The following MCPH1 variants were observed in gnomAD, a reference collection of about 807,000 sequenced individuals.
The protein encoded by MCPH1 is microcephalin.
In MCPH1, 104 loss-of-function variants were observed where a neutral mutation model predicts 84.5. That is an observed-to-expected ratio of 1.23 (90% CI 1.05 to 1.45). The LOEUF (loss-of-function observed/expected upper bound fraction) is 1.45. MCPH1 is among the 40% of genes most tolerant of loss of function. The pLI, the probability that MCPH1 is intolerant of heterozygous loss-of-function variation, is 0.00. For synonymous variants in MCPH1, 514 were observed against 366.8 expected (o/e 1.40, Z -4.58); for missense variants, 1,498 against 1,005.7 (o/e 1.49, Z -6.62).
At chr8:6,588,747 C>A (rs1828200358) in intron 12 of MCPH1, among the ~76,000 whole-genome samples, 1 of 152,258 alleles carries the variant, frequency 6.6e-6, no homozygotes, top group Non-Finnish European at 1.5e-5. Flanking sequence ...TAGTTCTTCC[C>A]ATGGCTTCTC....
chr8:6,452,095 C>T (rs1415395872), intron 8 of MCPH1, among the ~76,000 whole-genome samples: 1 of 152,210 alleles, frequency 6.6e-6, no homozygotes, highest in African/African-American at 2.4e-5. Context: ...TCATCGTCCA[C>T]TTCTTCATCT....
At chr8:6,470,939 T>C (rs945149184) in intron 9 of MCPH1, among the ~76,000 whole-genome samples, 1 of 152,250 alleles carries the variant, frequency 6.6e-6, no homozygotes, top group Non-Finnish European at 1.5e-5. Flanking sequence ...AGGAAAGTCC[T>C]TCTTTGCTCA....
intron 3 of MCPH1, among the ~76,000 whole-genome samples, chr8:6,429,886 C>G (rs569983499): frequency 6.6e-6 from 1 of 152,284 alleles, no homozygotes; most frequent in Admixed American, 6.5e-5. Flanking sequence ...TGCCCCAGAC[C>G]CACAGGACAG....
At chr8:6,431,376 A>G in intron 3 of MCPH1, 123 bp from the exon 4 acceptor site, 1 of 730,580 alleles carries the variant, frequency 1.4e-6, no homozygotes, top group South Asian at 1.8e-5. Flanking sequence ...TTATTTTTTA[A>G]AAGTCTGTTA....
At chr8:6,438,651 C>T (rs901111262) in intron 5 of MCPH1, among the ~76,000 whole-genome samples, 2 of 152,158 alleles carry the variant, frequency 1.3e-5, no homozygotes, top group African/African-American at 4.8e-5. Flanking sequence ...GTGTCTCAGT[C>T]TTTGTCTTCA....
chr8:6,486,310 C>T (rs1419849309), intron 11 of MCPH1, among the ~76,000 whole-genome samples: 1 of 152,094 alleles, frequency 6.6e-6, no homozygotes, highest in South Asian at 2.1e-4. Flanking sequence ...CTCTCGCTCT[C>T]TCGCTCTCTC....
At chr8:6,468,979 A>C (rs1341556179) in intron 9 of MCPH1, among the ~76,000 whole-genome samples, 2 of 152,292 alleles carry the variant, frequency 1.3e-5, no homozygotes, top group African/African-American at 4.8e-5. Context: ...GCTTGAGGCC[A>C]GGAGTTCAAG....
intron 9 of MCPH1, among the ~76,000 whole-genome samples, chr8:6,457,012 A>G (rs983671644): frequency 6.6e-6 from 1 of 152,174 alleles, no homozygotes; most frequent in African/African-American, 2.4e-5. Flanking sequence ...CCATAAATAT[A>G]AGGTGGTATT....
chr8:6,457,540 G>A (rs962764001), intron 9 of MCPH1, among the ~76,000 whole-genome samples: 1 of 152,142 alleles, frequency 6.6e-6, no homozygotes, highest in Non-Finnish European at 1.5e-5. Context: ...AGGAAGGGGA[G>A]GTTGCAGTGA....
Position 6,621,543 on chromosome 8 carries a change from C to T in MCPH1, c.2304C>T (p.Ser768=), listed in dbSNP as rs1465403533. The T allele has an allele frequency of 6.2e-7, 1 of 1,614,216 alleles. No individual in the cohort carries two copies. Among genetic ancestry groups the T allele is most frequent in the Admixed American group, 1.7e-5 (1 of 60,030 alleles). ...DQPAMFVSPA[S]SPPVAKLCEL... The stretch of plus-strand genomic sequence containing the variant: ...CAGCGATGTTTGTCTCGCCTGCCAG[C>T]AGCCCCCCAGTGGCCAAGCTCTGTG... The change falls in exon 13 of 14, where the codon AGC becomes AGT. Residue 768 remains serine, a synonymous_variant. Coordinates refer to ENST00000344683, the MANE Select transcript of MCPH1 (RefSeq NM_024596.5).
intron 1 of MCPH1, among the ~76,000 whole-genome samples, chr8:6,408,899 T>TA (rs76003580): frequency 0.65 from 97,607 of 151,022 alleles, 35,089 homozygotes; most frequent in Non-Finnish European, 0.79. Context: ...TTCTTTTTTT[T>TA]TTTTTGAAAC....
chr8:6,617,924 T>TATCTATCTATC (rs1831008096), intron 12 of MCPH1, among the ~76,000 whole-genome samples: 1 of 151,732 alleles, frequency 6.6e-6, no homozygotes, highest in Non-Finnish European at 1.5e-5. Context: ...TCTATCTATC[T>TATCTATCTATC]ATCTATCTAT....
chr8:6,492,905 A>G (rs933056511), intron 11 of MCPH1, among the ~76,000 whole-genome samples: 1 of 152,122 alleles, frequency 6.6e-6, no homozygotes. Context: ...ACTATTGTCT[A>G]CTTCCTGGTA....
intron 2 of MCPH1, among the ~76,000 whole-genome samples, chr8:6,412,195 G>C (rs528537141): frequency 1.3e-5 from 2 of 152,172 alleles, no homozygotes; most frequent in Admixed American, 6.5e-5. Context: ...CACTGCAGGA[G>C]GGGAGACATG....
intron 12 of MCPH1, chr8:6,509,184 A>C: frequency 7.9e-7 from 1 of 1,266,142 alleles, no homozygotes; most frequent in Non-Finnish European, 1.1e-6. Context: ...TAATGGACTA[A>C]TGCATACTCT....
chr8:6,560,183 T>G (rs1365021482), intron 12 of MCPH1, among the ~76,000 whole-genome samples: 1 of 152,220 alleles, frequency 6.6e-6, no homozygotes, highest in East Asian at 1.9e-4. Context: ...TCTTTCATTT[T>G]TAGTGCTGAT....
intron 11 of MCPH1, among the ~76,000 whole-genome samples, chr8:6,490,352 G>A (rs1451118391): frequency 6.6e-6 from 1 of 152,202 alleles, no homozygotes. Context: ...GTCTTCAGCT[G>A]TCCATCATTT....
chr8:6,612,890 C>G (rs1470157921), intron 12 of MCPH1, among the ~76,000 whole-genome samples: 2 of 152,144 alleles, frequency 1.3e-5, no homozygotes, highest in Non-Finnish European at 2.9e-5. Context: ...AGTTTTGTTA[C>G]AAAAAGATGC....
intron 3 of MCPH1, among the ~76,000 whole-genome samples, chr8:6,426,356 C>T (rs1337409662): frequency 1.3e-5 from 2 of 152,216 alleles, no homozygotes; most frequent in African/African-American, 2.4e-5. Flanking sequence ...CTGCCCCCTC[C>T]TCCCACCCCA....
Sources: gnomAD v4.1 joint callset for allele counts (sites outside exome capture counted in the v4.1 genomes callset) on GRCh38, gnomAD v4.1.1 for gene constraint, MANE v1.5 for transcripts, NCBI Gene and HGNC (gene_info 2026-07-23, HGNC 2026-07-21) for gene names.